ZNF208: variants seen among roughly 807,000 people sequenced by gnomAD.
The protein encoded by ZNF208 is zinc finger protein 208.
A neutral mutation model predicts 12.1 loss-of-function variants in ZNF208; 10 were observed. The ratio of observed to expected loss-of-function variants is 0.83; its 90% CI spans 0.51 to 1.40. The LOEUF is 1.40. Among genes scored for constraint, ZNF208 ranks in the 40% most tolerant of loss-of-function variants. The probability of loss-of-function intolerance (pLI) is 0.00; values close to 1 mark genes in which losing one functional copy is unlikely to be tolerated. For missense variants in ZNF208, 1,652 were observed against 1,485.0 expected, an observed-to-expected ratio of 1.11 and a Z score of -1.85; for synonymous variants, 497 against 488.4, an observed-to-expected ratio of 1.02 and a Z score of -0.23.
chr19:21,962,829 T>C (rs1898400493), downstream of ZNF208, among the ~76,000 whole-genome samples: 1 of 152,120 alleles, frequency 6.6e-6, no homozygotes. Context: ...TTGATTTCAA[T>C]TGAGTTCAGA....
chr19:21,971,058 C>T lies in ZNF208; in HGVS notation c.*133G>A, dbSNP rs796695488. The T allele has an allele frequency of 3.7e-6, 6 of 1,603,874 alleles. No homozygotes were observed. In the South Asian group the frequency reaches 5.5e-5, roughly 15 times the overall value. On this transcript the variant is annotated 3_prime_UTR_variant, in exon 4 of 4. Coordinates refer to ENST00000397126, the MANE Select transcript of ZNF208 (RefSeq NM_007153.3). Reference sequence around the variant, plus strand: ...TCTCCAGTATGAATTCTCTTATGTTCCATAAGGTTTGAGGACCAGTTGAAA... The same window carrying T: ...TCTCCAGTATGAATTCTCTTATGTTTCATAAGGTTTGAGGACCAGTTGAAA...
intron 1 of ZNF208, among the ~76,000 whole-genome samples, chr19:22,003,859 C>T (rs571938726): frequency 5.9e-5 from 9 of 152,186 alleles, no homozygotes; most frequent in African/African-American, 2.2e-4. Context: ...ATGCCTATCA[C>T]TGGTAGACTA....
rs987985357 is a variant in ZNF208, at chr19:21,966,483, A to C, written c.*4708T>G. ...ATAGTATTGGAGGTTGTATAAGTAC[A>C]TCATTTTTCTTATCCAATAAAAGAT... On this transcript the variant is annotated 3_prime_UTR_variant, in exon 4 of 4. Transcript: ENST00000397126. The C allele has an allele frequency of 9.9e-5, 15 of 152,112 alleles. No homozygotes were observed. The highest frequency in any genetic ancestry group is 3.6e-4 in the African/African-American group (15 of 41,446). The allele number at this position is 152,112 out of a possible 1,614,324, so 9.4% of individuals were successfully genotyped here. A position where few individuals can be genotyped will look rare whatever the true frequency, so the allele number is the denominator to read the frequency against.
intron 1 of ZNF208, among the ~76,000 whole-genome samples, chr19:22,007,064 T>A (rs1971057193): frequency 6.6e-6 from 1 of 152,184 alleles, no homozygotes; most frequent in South Asian, 2.1e-4. Flanking sequence ...AAACTGATGT[T>A]TTCACGAATC....
At chr19:21,950,311 C>T (rs540880153) in intron 4 of ZNF208, among the ~76,000 whole-genome samples, 1 of 152,232 alleles carries the variant, frequency 6.6e-6, no homozygotes, top group African/African-American at 2.4e-5. Flanking sequence ...AAAATAACCT[C>T]TGGTGGCCTG....
intron 1 of ZNF208, among the ~76,000 whole-genome samples, chr19:22,001,313 T>C (rs1243072641): frequency 6.6e-6 from 1 of 151,094 alleles, no homozygotes; most frequent in Non-Finnish European, 1.5e-5. Context: ...AAACAAAAAA[T>C]CAAAGCCCTA....
At chr19:21,950,340 A>G (rs2145515751) in intron 4 of ZNF208, among the ~76,000 whole-genome samples, 2 of 152,292 alleles carry the variant, frequency 1.3e-5, no homozygotes, top group East Asian at 3.9e-4. Flanking sequence ...CAAGAAAACA[A>G]AAAAGCCACC....
At chr19:22,004,076 C>T (rs1416746292) in intron 1 of ZNF208, among the ~76,000 whole-genome samples, 1 of 151,910 alleles carries the variant, frequency 6.6e-6, no homozygotes, top group Non-Finnish European at 1.5e-5. Flanking sequence ...ACTTGGGAAG[C>T]TTAGGTAGAA....
chr19:21,941,611 AG>A (rs1380968981), intron 4 of ZNF208: 2 of 386,842 alleles, frequency 5.2e-6, no homozygotes, highest in Non-Finnish European at 9.1e-6. Context: ...TTGAAAATGA[AG>A]TTGACATTTG....
chr19:21,956,891 G>A (rs1969986927), intron 4 of ZNF208, among the ~76,000 whole-genome samples: 1 of 152,130 alleles, frequency 6.6e-6, no homozygotes, highest in Non-Finnish European at 1.5e-5. Flanking sequence ...TGAAAATGCA[G>A]AAATCACCCA....
chr19:21,974,666 C>G lies in ZNF208; in HGVS notation c.368G>C (p.Cys123Ser). Residue 123 changes from cysteine to serine, a missense_variant, in exon 4 of 4, where the codon TGT becomes TCT. This residue lies in a region of ZNF208 where 410 missense variants were observed against 378.2 expected (regional missense o/e 1.08). Transcript: ENST00000397126. Reference protein sequence around the residue: ...LKIGYTNVDECKVHKEGYNKL... With the variant: ...LKIGYTNVDESKVHKEGYNKL... ...ATTATAACCTTCTTTGTGCACCTTA[C>G]ACTCATCCACATTGGTATAACCAAT... 1.2e-6 allele frequency: 2 copies of G among 1,613,716 alleles called. No individual in the cohort carries two copies. Among genetic ancestry groups the G allele is most frequent in the Non-Finnish European group, 1.7e-6 (2 of 1,179,794 alleles).
chr19:21,956,681 T>C (rs1969984357), intron 4 of ZNF208, among the ~76,000 whole-genome samples: 2 of 152,148 alleles, frequency 1.3e-5, no homozygotes, highest in Non-Finnish European at 2.9e-5. Flanking sequence ...GCTAAGACCA[T>C]TGGAAAAGCA....
At chr19:22,005,392 AGAG>A (rs1198347311) in intron 1 of ZNF208, among the ~76,000 whole-genome samples, 1 of 152,206 alleles carries the variant, frequency 6.6e-6, no homozygotes, top group East Asian at 1.9e-4. Flanking sequence ...CAGCCTGTGT[AGAG>A]GAGATCAGAG....
At chr19:21,945,695 A>C (rs1040199087) in intron 4 of ZNF208, among the ~76,000 whole-genome samples, 5 of 152,294 alleles carry the variant, frequency 3.3e-5, no homozygotes, top group African/African-American at 9.6e-5. Flanking sequence ...TTTATATGGA[A>C]GTATATTGTT....
intron 1 of ZNF208, among the ~76,000 whole-genome samples, chr19:21,989,490 C>T (rs1236258390): frequency 5.3e-5 from 8 of 151,990 alleles, no homozygotes; most frequent in Non-Finnish European, 5.9e-5. Context: ...CATTGTTGGT[C>T]ATTTGGGTTG....
intron 1 of ZNF208, among the ~76,000 whole-genome samples, chr19:21,990,003 T>G (rs74776957): frequency 0.38 from 58,370 of 151,834 alleles, 11,651 homozygotes; most frequent in East Asian, 0.48. Context: ...AGATGAGTAG[T>G]TTGCGAAAAT....
At chr19:21,981,214 C>A (rs1470952085) in intron 3 of ZNF208, among the ~76,000 whole-genome samples, 3 of 151,998 alleles carry the variant, frequency 2.0e-5, no homozygotes, top group East Asian at 1.9e-4. Context: ...TTTTATGAGG[C>A]CAGCATCATC....
At position 21,958,249 on chromosome 19, in the gene ZNF208, C is replaced by T. The variant is rs541393258; in HGVS notation, c.305+16480G>A. Reference sequence around the variant, plus strand: ...TTTCTCATGAACTTCTAGTCTCATTCATTGTTTCAAACGTTTTGATGACAT... The same window carrying T: ...TTTCTCATGAACTTCTAGTCTCATTTATTGTTTCAAACGTTTTGATGACAT... On this transcript the variant is annotated intron_variant, in intron 4 of 4. Coordinates refer to the ZNF208 transcript ENST00000599916. 2.6e-5 allele frequency among the ~76,000 whole-genome samples: 4 copies of T among 152,110 alleles called. No individual in the cohort carries two copies. The South Asian group carries it at 8.3e-4, about 32-fold the overall frequency.
chr19:22,005,739 A>G (rs1392589904), intron 1 of ZNF208, among the ~76,000 whole-genome samples: 1 of 152,226 alleles, frequency 6.6e-6, no homozygotes, highest in Admixed American at 6.5e-5. Context: ...AACACTAGTT[A>G]TACTTACTGG....
Sources: allele counts gnomAD v4.1 joint callset (sites outside exome capture counted in the v4.1 genomes callset), GRCh38; gene constraint gnomAD v4.1.1; regional missense constraint gnomAD v4.1.1; transcripts MANE v1.5; gene names NCBI Gene and HGNC (gene_info 2026-07-23, HGNC 2026-07-21).